Variants in MYO3A observed in about 807,000 individuals in gnomAD.
MYO3A encodes the protein myosin IIIA.
MYO3A carries 180 observed loss-of-function variants against 192.7 expected under a neutral mutation model. The observed-to-expected ratio is 0.93, with a 90% CI of 0.83 to 1.06. The LOEUF (loss-of-function observed/expected upper bound fraction) is 1.06. Among genes scored for constraint, MYO3A ranks in the 50% least tolerant of loss-of-function variants. The pLI is 0.00. For synonymous variants in MYO3A, 628 were observed against 645.3 expected (o/e 0.97, Z 0.41); for missense variants, 1,896 against 1,905.0 (o/e 1.00, Z 0.09).
intron 14 of MYO3A, among the ~76,000 whole-genome samples, chr10:26,072,382 C>A (rs12252825): frequency 0.47 from 72,094 of 151,826 alleles, 17,902 homozygotes; most frequent in Middle Eastern, 0.59. Flanking sequence ...TGCCAAAGAA[C>A]TAGGCTTTAA....
At chr10:26,054,310 T>C (rs1484082016) in intron 10 of MYO3A, among the ~76,000 whole-genome samples, 1 of 152,240 alleles carries the variant, frequency 6.6e-6, no homozygotes, top group Non-Finnish European at 1.5e-5. Flanking sequence ...TATGATTTTA[T>C]TAAATACTCT....
At chr10:25,947,389 C>CTTTTTTTT (rs869281200) in intron 2 of MYO3A, among the ~76,000 whole-genome samples, 48 of 91,854 alleles carry the variant, frequency 5.2e-4, no homozygotes, top group African/African-American at 1.3e-3. Context: ...TTTTCTTTTT[C>CTTTTTTTT]TTTTTTTTTT....
At position 25,952,127 on chromosome 10, in the gene MYO3A, G is replaced by A. The variant is rs200960702; in HGVS notation, c.17G>A (p.Gly6Glu). Residue 6 changes from glycine (G) to glutamate (E), a missense_variant, in exon 3 of 35, where the codon GGA becomes GAA. Physicochemically the swap from Gly to Glu is moderately conservative, Grantham distance 98. Coordinates refer to ENST00000642920, the MANE Select transcript of MYO3A (RefSeq NM_017433.5). ...ACCTTTGAGATGTTTCCATTAATTGGAAAAACAATCATCTTTGATAACTTT... is the reference window on the plus strand; with the variant it reads ...ACCTTTGAGATGTTTCCATTAATTGAAAAAACAATCATCTTTGATAACTTT... MFPLI[G>E]KTIIFDNFPD... 1 of 1,611,282 alleles carries A rather than the reference G, an allele frequency of 6.2e-7. No homozygotes were observed. The highest frequency in any genetic ancestry group is 8.5e-7 in the Non-Finnish European group (1 of 1,178,142).
chr10:26,210,711 C>T (rs1036398217), intron 34 of MYO3A, among the ~76,000 whole-genome samples: 2 of 152,130 alleles, frequency 1.3e-5, no homozygotes, highest in Non-Finnish European at 2.9e-5. Context: ...TATCCGAACA[C>T]TCTATCCTCA....
intron 2 of MYO3A, among the ~76,000 whole-genome samples, chr10:25,947,593 A>G (rs894741460): frequency 6.6e-6 from 1 of 151,866 alleles, no homozygotes; most frequent in South Asian, 2.1e-4. Flanking sequence ...GGGTTTCTCC[A>G]TGTTGGTCAG....
At chr10:25,971,435 C>T (rs1055351959) in intron 4 of MYO3A, among the ~76,000 whole-genome samples, 1 of 152,108 alleles carries the variant, frequency 6.6e-6, no homozygotes, top group African/African-American at 2.4e-5. Context: ...ATTATCATTA[C>T]TAGTGCTCTT....
intron 28 of MYO3A, among the ~76,000 whole-genome samples, chr10:26,169,602 G>T (rs1841940758): frequency 6.6e-6 from 1 of 152,064 alleles, no homozygotes; most frequent in African/African-American, 2.4e-5. Context: ...TCCACTAATG[G>T]TTTGCAGCCT....
chr10:26,187,324 A>C (rs139507866), intron 31 of MYO3A, among the ~76,000 whole-genome samples: 280 of 152,298 alleles, frequency 1.8e-3, no homozygotes, highest in African/African-American at 6.4e-3. Flanking sequence ...TGCCATAACA[A>C]AGTACCATAG....
chr10:26,048,944 C>A (rs117060120), intron 10 of MYO3A, among the ~76,000 whole-genome samples: 9,278 of 152,232 alleles, frequency 0.061, 367 homozygotes, highest in Non-Finnish European at 0.088. Flanking sequence ...AACATTTAGT[C>A]ACTAGCAGAG....
At chr10:26,121,120 T>C (rs894756474) in intron 18 of MYO3A, among the ~76,000 whole-genome samples, 7 of 151,630 alleles carry the variant, frequency 4.6e-5, no homozygotes, top group Admixed American at 2.0e-4. Context: ...AAGAATTATG[T>C]TATTGTCTTA....
chr10:25,955,960 T>C (rs1374826579), intron 4 of MYO3A, among the ~76,000 whole-genome samples: 1 of 152,170 alleles, frequency 6.6e-6, no homozygotes, highest in Non-Finnish European at 1.5e-5. Context: ...CCTCACAGTT[T>C]TGGAGGCTGG....
chr10:26,043,456 G>A (rs191934400), intron 10 of MYO3A, among the ~76,000 whole-genome samples: 19 of 151,962 alleles, frequency 1.3e-4, no homozygotes, highest in Admixed American at 1.2e-3. Context: ...AGGATCCAGG[G>A]ACTGGAGTCA....
chr10:26,013,049 T>A (rs1841767590), intron 6 of MYO3A, among the ~76,000 whole-genome samples: 1 of 152,152 alleles, frequency 6.6e-6, no homozygotes, highest in Non-Finnish European at 1.5e-5. Flanking sequence ...TAATAAATGA[T>A]GCTGGCAAAA....
intron 4 of MYO3A, among the ~76,000 whole-genome samples, chr10:25,976,342 T>C (rs1036069449): frequency 6.6e-6 from 1 of 152,136 alleles, no homozygotes; most frequent in Admixed American, 6.5e-5. Context: ...TATTAGAAAA[T>C]CACAGTTTCT....
intron 29 of MYO3A, 88 bp from the exon 30 acceptor site, chr10:26,173,575 C>A: frequency 8.1e-7 from 1 of 1,236,426 alleles, no homozygotes; most frequent in Non-Finnish European, 1.1e-6. Context: ...GCCTTTCTCC[C>A]ACCGGTATCT....
chr10:25,966,460 T>C (rs1838274229), intron 4 of MYO3A, among the ~76,000 whole-genome samples: 1 of 152,088 alleles, frequency 6.6e-6, no homozygotes, highest in Non-Finnish European at 1.5e-5. Context: ...ATTAGTGCTA[T>C]GAAGAATATA....
intron 4 of MYO3A, among the ~76,000 whole-genome samples, chr10:25,958,452 A>G (rs1837706919): frequency 6.6e-6 from 1 of 152,070 alleles, no homozygotes; most frequent in South Asian, 2.1e-4. Flanking sequence ...TGGTCCATGT[A>G]TCTGTTTTTG....
rs778473521 is a variant in MYO3A at position 26,174,157 on chromosome 10, C to A, written c.3893C>A (p.Ala1298Glu). 6.2e-7 allele frequency: 1 copy of A among 1,614,132 alleles called. No homozygotes were observed. The highest frequency in any genetic ancestry group is 8.5e-7 in the Non-Finnish European group (1 of 1,180,022). ...TLSQRSIYQN[A>E]NSMEKEKKTS... ...AGCCAAAGGTCAATTTATCAAAATGCAAACAGCATGGAAAAAGAAAAGAAG... is the reference window on the plus strand; with the variant it reads ...AGCCAAAGGTCAATTTATCAAAATGAAAACAGCATGGAAAAAGAAAAGAAG... Residue 1298 changes from alanine (A) to glutamate (E), a missense_variant, in exon 30 of 35, where the codon GCA becomes GAA. Transcript: ENST00000642920.
intron 10 of MYO3A, among the ~76,000 whole-genome samples, chr10:26,047,321 G>GA (rs57376237): frequency 6.6e-6 from 1 of 151,764 alleles, no homozygotes; most frequent in African/African-American, 2.4e-5. Context: ...TGTAGAGAGA[G>GA]AAAAAAAGAC....
Sources: allele counts gnomAD v4.1 joint callset (sites outside exome capture counted in the v4.1 genomes callset), GRCh38; gene constraint gnomAD v4.1.1; transcripts MANE v1.5; gene names NCBI Gene and HGNC (gene_info 2026-07-23, HGNC 2026-07-21).